The following WDR27 variants were observed in gnomAD, a reference collection of about 807,000 sequenced individuals.
WDR27 encodes the protein WD repeat domain 27, also known as WD repeat-containing protein 27.
WDR27 carries 100 observed loss-of-function variants against 114.4 expected under a neutral mutation model. The ratio of observed to expected loss-of-function variants is 0.87; its 90% CI spans 0.74 to 1.03. WDR27 has a LOEUF of 1.03. WDR27 is among the 50% of genes least tolerant of loss of function. WDR27 has a pLI of 0.00. For missense variants in WDR27, 1,129 were observed against 1,092.9 expected, an observed-to-expected ratio of 1.03 and a Z score of -0.47; for synonymous variants, 449 against 423.1, an observed-to-expected ratio of 1.06 and a Z score of -0.75.
At chr6:169,480,140 C>T (rs576254198) in intron 25 of WDR27, among the ~76,000 whole-genome samples, 9 of 152,184 alleles carry the variant, frequency 5.9e-5, no homozygotes, top group South Asian at 2.1e-4. Flanking sequence ...AGCAGCCAGC[C>T]GGTGCCACCG....
Position 169,511,705 on chromosome 6 carries a change from T to G in WDR27, c.2646-54071A>C, listed in dbSNP as rs1792910918. 2.6e-5 allele frequency among the ~76,000 whole-genome samples: 4 copies of G among 151,950 alleles called. No homozygotes were observed. In the South Asian group the frequency reaches 6.2e-4, roughly 24 times the overall value. ...TATTTGGCCTTTTACAAAAAAAAAA[T>G]ATTTGCCAACTCTTGCTCTAGATAA... On this transcript the variant is annotated intron_variant, in intron 25 of 25. Coordinates refer to ENST00000448612, the MANE Select transcript of WDR27 (RefSeq NM_182552.5).
In WDR27 at chr6:169,563,489, C is replaced by T. The variant is rs994129188; in HGVS notation, c.2645+8930G>A. 3.3e-5 allele frequency among the ~76,000 whole-genome samples: 5 copies of T among 152,198 alleles called. No individual in the cohort carries two copies. In the East Asian group the frequency reaches 9.7e-4, roughly 29 times the overall value. ...TAACATCCGTGAGTCTCTAACAAAC[C>T]AAAGGTTATTTTCAGTTTAAAATTC... is the stretch of plus-strand genomic sequence containing the variant. On this transcript the variant is annotated intron_variant, in intron 25 of 25. Coordinates refer to ENST00000448612, the MANE Select transcript of WDR27 (RefSeq NM_182552.5).
chr6:169,693,744 A>C (rs545956981), intron 1 of WDR27, among the ~76,000 whole-genome samples: 2 of 152,316 alleles, frequency 1.3e-5, no homozygotes, highest in Non-Finnish European at 2.9e-5. Context: ...AAAAAAGACA[A>C]AGAGGGACAT....
At chr6:169,647,235 G>GT (rs1820971077) in intron 16 of WDR27, among the ~76,000 whole-genome samples, 2 of 152,214 alleles carry the variant, frequency 1.3e-5, no homozygotes, top group Admixed American at 6.5e-5. Context: ...CAGGACACAC[G>GT]TGAGAATCGG....
intron 21 of WDR27, among the ~76,000 whole-genome samples, chr6:169,614,410 G>C (rs1811316494): frequency 6.6e-6 from 1 of 152,178 alleles, no homozygotes. Flanking sequence ...TCAAGGCCAG[G>C]TACAGTGGCT....
chr6:169,482,837 C>G (rs1788375761), intron 25 of WDR27, among the ~76,000 whole-genome samples: 1 of 152,152 alleles, frequency 6.6e-6, no homozygotes, highest in African/African-American at 2.4e-5. Context: ...CAACTACTCT[C>G]TCTGACCATG....
At chr6:169,558,546 G>A (rs1799232934) in intron 25 of WDR27, 1 of 152,090 alleles carries the variant, frequency 6.6e-6, no homozygotes, top group African/African-American at 2.4e-5. Context: ...CAGTCATCGG[G>A]ATGGCGGCTC....
chr6:169,436,491 AAG>A, the WDR27 span, among the ~76,000 whole-genome samples: 1 of 145,472 alleles, frequency 6.9e-6, no homozygotes, highest in Non-Finnish European at 1.5e-5. Flanking sequence ...ATTTAACTTT[AAG>A]AGTCTTACTT....
At chr6:169,510,468 C>A (rs1001241784) in intron 25 of WDR27, among the ~76,000 whole-genome samples, 4 of 152,076 alleles carry the variant, frequency 2.6e-5, no homozygotes, top group African/African-American at 2.4e-5. Flanking sequence ...ATGATGAGTT[C>A]ATGTCCTTTG....
At chr6:169,445,546 C>T in the WDR27 span, among the ~76,000 whole-genome samples, 1 of 151,426 alleles carries the variant, frequency 6.6e-6, no homozygotes, top group African/African-American at 2.4e-5. Flanking sequence ...TAGATAGTGG[C>T]CGTCACCCAG....
chr6:169,475,249 T>A (rs2115351719), intron 25 of WDR27, among the ~76,000 whole-genome samples: 1 of 152,366 alleles, frequency 6.6e-6, no homozygotes, highest in South Asian at 2.1e-4. Context: ...TGAAACGCAG[T>A]TTTGCTCTTT....
chr6:169,457,018 T>C (rs1308858110), downstream of WDR27, among the ~76,000 whole-genome samples: 1 of 148,544 alleles, frequency 6.7e-6, no homozygotes, highest in South Asian at 2.2e-4. Flanking sequence ...GGCCTCACCA[T>C]GCAGAACCCA....
the WDR27 span, among the ~76,000 whole-genome samples, chr6:169,431,950 C>T: frequency 2.8e-4 from 43 of 152,328 alleles, no homozygotes; most frequent in African/African-American, 7.0e-4. Context: ...CTACGGTCTC[C>T]GAGTAAGCTC....
chr6:169,439,666 C>T, the WDR27 span, among the ~76,000 whole-genome samples: 17 of 151,652 alleles, frequency 1.1e-4, no homozygotes, highest in African/African-American at 3.9e-4. Flanking sequence ...ATTTTGTTTT[C>T]CATATTTAAG....
chr6:169,551,743 A>G (rs1172265647), intron 25 of WDR27, among the ~76,000 whole-genome samples: 1 of 137,136 alleles, frequency 7.3e-6, no homozygotes, highest in Non-Finnish European at 1.6e-5. Flanking sequence ...ATCTCAAAAA[A>G]AAAAAAAAAA....
intron 9 of WDR27, 126 bp from the exon 10 acceptor site, chr6:169,660,892 C>A: frequency 1.3e-6 from 1 of 787,086 alleles, no homozygotes; most frequent in South Asian, 1.7e-5. Context: ...TTGGGCCCCA[C>A]GTGCGCCCCC....
intron 23 of WDR27, among the ~76,000 whole-genome samples, chr6:169,590,056 A>G (rs1390878850): frequency 6.7e-6 from 1 of 148,326 alleles, no homozygotes; most frequent in African/African-American, 2.5e-5. Context: ...TTTTTACAAA[A>G]ATTGTAAGGG....
chr6:169,536,165 G>A (rs531770661), intron 25 of WDR27, among the ~76,000 whole-genome samples: 10 of 152,250 alleles, frequency 6.6e-5, no homozygotes, highest in Admixed American at 6.5e-4. Context: ...AAAAGCATAA[G>A]GTTTTCTGCG....
chr6:169,487,194 G>A (rs1299838679), intron 25 of WDR27, among the ~76,000 whole-genome samples: 1 of 152,194 alleles, frequency 6.6e-6, no homozygotes, highest in Non-Finnish European at 1.5e-5. Flanking sequence ...GACTGAATCA[G>A]TTAATATAAA....
Sources: gnomAD v4.1 joint callset for allele counts (sites outside exome capture counted in the v4.1 genomes callset) on GRCh38, gnomAD v4.1.1 for gene constraint, MANE v1.5 for transcripts, NCBI Gene and HGNC (gene_info 2026-07-23, HGNC 2026-07-21) for gene names.